ADRA1B: variants seen among roughly 807,000 people sequenced by gnomAD.
ADRA1B encodes the protein alpha-1B adrenergic receptor.
ADRA1B carries 17 observed loss-of-function variants against 17.9 expected under a neutral mutation model. The ratio of observed to expected loss-of-function variants is 0.95; its 90% confidence interval spans 0.65 to 1.42. The LOEUF (loss-of-function observed/expected upper bound fraction) is 1.42. ADRA1B is among the 40% of genes most tolerant of loss of function. ADRA1B has a pLI of 0.00. For missense variants in ADRA1B, 681 were observed against 722.1 expected, an observed-to-expected ratio of 0.94 and a Z score of 0.65; for synonymous variants, 366 against 327.6, an observed-to-expected ratio of 1.12 and a Z score of -1.27.
At chr5:159,922,627 T>C (rs1754518185) in intron 1 of ADRA1B, among the ~76,000 whole-genome samples, 1 of 152,184 alleles carries the variant, frequency 6.6e-6, no homozygotes, top group Non-Finnish European at 1.5e-5. Flanking sequence ...TGTTCTCCTG[T>C]ACTGTGTATG....
At chr5:159,970,860 A>G (rs1297385114) in intron 1 of ADRA1B, among the ~76,000 whole-genome samples, 2 of 152,222 alleles carry the variant, frequency 1.3e-5, no homozygotes, top group African/African-American at 2.4e-5. Context: ...GCTGGAGTGC[A>G]GTGCCACGAT....
chr5:159,936,285 T>C (rs1754952729), intron 1 of ADRA1B, among the ~76,000 whole-genome samples: 1 of 152,332 alleles, frequency 6.6e-6, no homozygotes, highest in African/African-American at 2.4e-5. Context: ...GGAGAAAACC[T>C]GACATCAAGC....
At chr5:159,889,515 G>T (rs906363124) in intron 1 of ADRA1B, among the ~76,000 whole-genome samples, 7 of 152,260 alleles carry the variant, frequency 4.6e-5, no homozygotes, top group Middle Eastern at 3.4e-3. Flanking sequence ...TTGTAGCTAG[G>T]AAGTAGCACA....
chr5:159,971,783 G>A (rs1755869608), intron 1 of ADRA1B, 96 bp from the exon 2 acceptor site: 1 of 1,253,834 alleles, frequency 8.0e-7, no homozygotes, highest in Non-Finnish European at 1.0e-6. Flanking sequence ...GAACGCTGCA[G>A]GTTGACAATG....
At chr5:159,910,337 A>T (rs903817240) in intron 1 of ADRA1B, among the ~76,000 whole-genome samples, 2 of 152,226 alleles carry the variant, frequency 1.3e-5, no homozygotes, top group Admixed American at 1.3e-4. Context: ...ATCTGGGTCA[A>T]CTAAAGCCGG....
In ADRA1B at chr5:159,916,943, C is replaced by T. The variant is rs1318942720; in HGVS notation, c.38C>T (p.Ala13Val). 1 of 1,613,790 alleles carries T rather than the reference C, an allele frequency of 6.2e-7. No homozygotes were observed. ...PDLDTGHNTS[A>V]PAHWGELKNA... is the part of the protein sequence containing the mutation. ...CTGGACACCGGCCACAACACATCAG[C>T]ACCTGCCCACTGGGGAGAGTTGAAA... Residue 13 changes from alanine to valine, a missense_variant, in exon 1 of 2, where the codon GCA (alanine) becomes GTA (valine). Physicochemically the swap from Ala to Val is moderately conservative, Grantham distance 64 (BLOSUM62 0). Around this residue, in one of 3 missense-constraint regions of ADRA1B, gnomAD observed 424 missense variants for 480.2 expected, o/e 0.88. Coordinates refer to ENST00000306675, the MANE Select transcript of ADRA1B (RefSeq NM_000679.4).
chr5:159,867,759 C>A (rs1235433515), intron 1 of ADRA1B: 1 of 152,178 alleles, frequency 6.6e-6, no homozygotes, highest in Non-Finnish European at 1.5e-5. Context: ...CACATGATGA[C>A]AGATGTCAGA....
intron 1 of ADRA1B, among the ~76,000 whole-genome samples, chr5:159,884,962 G>A (rs1753907317): frequency 2.0e-5 from 3 of 152,200 alleles, no homozygotes; most frequent in South Asian, 2.1e-4. Context: ...TCCTTTGGCT[G>A]GTTCTTAGTA....
chr5:159,932,427 G>C lies in ADRA1B; in HGVS notation c.949+14573G>C, dbSNP rs562856210. 3.3e-5 allele frequency among the ~76,000 whole-genome samples: 5 copies of C among 152,184 alleles called. No homozygotes were observed. In the South Asian group the frequency reaches 1.0e-3, roughly 32 times the overall value. On this transcript the variant is annotated intron_variant, in intron 1 of 1. Transcript: ENST00000306675. ...CCTGCCTCAGCCTCCCAAAGTGCTGGGATTACAAGCATGAGCCACCCCGCT... is the reference window on the plus strand; with the variant it reads ...CCTGCCTCAGCCTCCCAAAGTGCTGCGATTACAAGCATGAGCCACCCCGCT...
At chr5:159,915,769 G>A (rs1400224196), upstream of ADRA1B, among the ~76,000 whole-genome samples, 1 of 151,970 alleles carries the variant, frequency 6.6e-6, no homozygotes, top group Non-Finnish European at 1.5e-5. Flanking sequence ...TTTATTTTCA[G>A]CCTAACACCT....
At chr5:159,907,500 T>C (rs938280741) in intron 1 of ADRA1B, among the ~76,000 whole-genome samples, 17 of 116,062 alleles carry the variant, frequency 1.5e-4, no homozygotes, top group African/African-American at 4.1e-4. Context: ...GGGCAATTTA[T>C]GTCAGAAAAA....
intron 1 of ADRA1B, among the ~76,000 whole-genome samples, chr5:159,926,878 C>T (rs1216823340): frequency 6.6e-6 from 1 of 152,030 alleles, no homozygotes. Flanking sequence ...CAGAGCAAAA[C>T]TCTGTCTCAA....
intron 1 of ADRA1B, among the ~76,000 whole-genome samples, chr5:159,923,493 C>A (rs1194008302): frequency 6.6e-6 from 1 of 152,226 alleles, no homozygotes; most frequent in Non-Finnish European, 1.5e-5. Flanking sequence ...GAAATGTGTT[C>A]AGAATAACCC....
chr5:159,911,906 G>A (rs1476650456), upstream of ADRA1B, among the ~76,000 whole-genome samples: 1 of 152,110 alleles, frequency 6.6e-6, no homozygotes, highest in African/African-American at 2.4e-5. Flanking sequence ...CATTTACTGG[G>A]TGTTGTGTAT....
intron 1 of ADRA1B, among the ~76,000 whole-genome samples, chr5:159,883,253 T>C (rs774376538): frequency 6.6e-6 from 1 of 152,214 alleles, no homozygotes; most frequent in Non-Finnish European, 1.5e-5. Flanking sequence ...AGAGTTTCCC[T>C]GTGTTCTCAA....
At chr5:159,918,911 C>T (rs542032735) in intron 1 of ADRA1B, among the ~76,000 whole-genome samples, 1 of 152,260 alleles carries the variant, frequency 6.6e-6, no homozygotes, top group East Asian at 1.9e-4. Flanking sequence ...TATCATGACA[C>T]AGTCATGTGC....
intron 1 of ADRA1B, among the ~76,000 whole-genome samples, chr5:159,950,311 T>C (rs2113258330): frequency 6.6e-6 from 1 of 152,266 alleles, no homozygotes; most frequent in East Asian, 1.9e-4. Context: ...CAGGGGACTT[T>C]ATTGATAGTA....
upstream of ADRA1B, among the ~76,000 whole-genome samples, chr5:159,913,726 C>T (rs991437960): frequency 1.3e-5 from 2 of 152,172 alleles, no homozygotes; most frequent in Non-Finnish European, 2.9e-5. Context: ...TTTCACATTG[C>T]AGCTGGTTAC....
At chr5:159,947,605 T>G in intron 1 of ADRA1B, 1 of 686,910 alleles carries the variant, frequency 1.5e-6, no homozygotes, top group Non-Finnish European at 1.8e-6. Flanking sequence ...TACATTCTTT[T>G]TTTCAATACA....
Sources: gnomAD v4.1 joint callset for allele counts (sites outside exome capture counted in the v4.1 genomes callset) on GRCh38, gnomAD v4.1.1 for gene constraint, gnomAD v4.1.1 regional missense constraint, MANE v1.5 for transcripts, NCBI Gene and HGNC (gene_info 2026-07-23, HGNC 2026-07-21) for gene names.